AUNIP: variants seen among roughly 807,000 people sequenced by gnomAD.
AUNIP encodes the protein aurora kinase A- and ninein-interacting protein.
AUNIP carries 16 observed loss-of-function variants against 12.2 expected under a neutral mutation model. That is an observed-to-expected ratio of 1.31 (90% CI 0.88 to 1.99). AUNIP has a LOEUF of 1.99. AUNIP is among the 30% of genes most tolerant of loss of function. The pLI, the probability that AUNIP is intolerant of heterozygous loss-of-function variation, is 0.00. For missense variants in AUNIP, 411 were observed against 419.1 expected, an observed-to-expected ratio of 0.98 and a Z score of 0.17; for synonymous variants, 142 against 154.8, an observed-to-expected ratio of 0.92 and a Z score of 0.61.
chr1:25,857,871 A>G (rs2048475215), intron 1 of AUNIP, among the ~76,000 whole-genome samples: 1 of 151,970 alleles, frequency 6.6e-6, no homozygotes, highest in Admixed American at 6.6e-5. Context: ...CTCAAAAATA[A>G]CAATAATAAT....
chr1:25,857,246 GA>G (rs1269366060), intron 1 of AUNIP, among the ~76,000 whole-genome samples: 1 of 132,336 alleles, frequency 7.6e-6, no homozygotes, highest in Non-Finnish European at 1.6e-5. Flanking sequence ...TGCACATTTT[GA>G]TTTTTTTTTT....
chr1:25,835,159 C>G lies in AUNIP; in HGVS notation c.908G>C (p.Arg303Thr), dbSNP rs1290372217. The G allele has an allele frequency of 6.2e-7, 1 of 1,614,124 alleles. No homozygotes were observed. Among genetic ancestry groups the G allele is most frequent in the Admixed American group, 1.7e-5 (1 of 60,022 alleles). Residue 303 changes from arginine to threonine, a missense_variant, in exon 3 of 3, where the codon AGA (arginine) becomes ACA (threonine). Physicochemically the swap from Arg to Thr is moderately conservative, Grantham distance 71. Coordinates refer to ENST00000374298, the MANE Select transcript of AUNIP (RefSeq NM_024037.3). ...QGQRVIAHNT[R>T]APFQDVTNNW... The stretch of plus-strand genomic sequence containing the variant: ...ATTGGTTACATCTTGAAAAGGAGCT[C>G]TAGTGTTGTGGGCAATGACCCGCTG...
chr1:25,835,690 T>C lies in AUNIP; in HGVS notation c.377A>G (p.Asp126Gly). 6.2e-7 allele frequency: 1 copy of C among 1,614,222 alleles called. No individual in the cohort carries two copies. Among genetic ancestry groups the C allele is most frequent in the Non-Finnish European group, 8.5e-7 (1 of 1,180,052 alleles). ...ASPLATSTTA[D>G]IQEAGLSPQS... is the part of the protein sequence containing the mutation. ...AGGAGAGAGTCCAGCTTCCTGGATG[T>C]CTGCAGTGGTTGAAGTGGCTAAAGG... The change falls in exon 3 of 3, where the codon GAC (aspartate) becomes GGC (glycine). Residue 126 changes from aspartate (D) to glycine (G), a missense_variant. By Grantham distance (94) the Asp-to-Gly change is moderately conservative. Coordinates refer to ENST00000374298, the MANE Select transcript of AUNIP (RefSeq NM_024037.3).
rs1339760033 is a variant in AUNIP at position 25,834,632 on chromosome 1, A to C, written c.*361T>G. 22 of 1,014,500 alleles carry C rather than the reference A, an allele frequency of 2.2e-5. No homozygotes were observed. The highest frequency in any genetic ancestry group is 5.3e-5 in the Admixed American group (1 of 18,892). 62.8% of individuals were successfully genotyped at this position (1,014,500 alleles called of 1,614,324 possible). On this transcript the variant is annotated 3_prime_UTR_variant, in exon 3 of 3. Transcript: ENST00000374298. Reference sequence around the variant, plus strand: ...CTCCATCTCAAAAAAAAAAAAAAAAAAACACATCCATAAGCAAGGTCCCAG... The same window carrying C: ...CTCCATCTCAAAAAAAAAAAAAAAACAACACATCCATAAGCAAGGTCCCAG...
In AUNIP at chr1:25,835,719, T is replaced by C. The variant is rs764373565; in HGVS notation, c.348A>G (p.Ala116=). ...CAGTGGTTGAAGTGGCTAAAGGGGA[T>C]GCCATGCAATCGTGTGCTAAGCCTG... is the stretch of plus-strand genomic sequence containing the variant. ...LIPGLAHDCM[A]SPLATSTTAD... is the part of the protein sequence containing the mutation. The change falls in exon 3 of 3, where the codon GCA becomes GCG. Residue 116 remains alanine, a synonymous_variant. Transcript: ENST00000374298. The C allele has an allele frequency of 1.9e-6, 3 of 1,614,214 alleles. No homozygotes were observed. Among genetic ancestry groups the C allele is most frequent in the African/African-American group, 1.3e-5 (1 of 75,050 alleles).
Position 25,834,888 on chromosome 1 carries a change from T to C in AUNIP, c.*105A>G. 2.0e-6 allele frequency: 3 copies of C among 1,518,106 alleles called. No homozygotes were observed. Among genetic ancestry groups the C allele is most frequent in the East Asian group, 2.3e-5 (1 of 44,272 alleles). 94.0% of individuals were successfully genotyped at this position (1,518,106 alleles called of 1,614,324 possible). A position where few individuals can be genotyped will look rare whatever the true frequency, so the allele number is the denominator to read the frequency against. On this transcript the variant is annotated 3_prime_UTR_variant, in exon 3 of 3. Transcript: ENST00000374298. Reference sequence around the variant, plus strand: ...GCTCAGTAATGACAACTTCATCCCATGCCACCTTCCCACCTAAACAAACTC... The same window carrying C: ...GCTCAGTAATGACAACTTCATCCCACGCCACCTTCCCACCTAAACAAACTC...
At chr1:25,853,941 C>T (rs1835308) in intron 1 of AUNIP, among the ~76,000 whole-genome samples, 68,796 of 152,054 alleles carry the variant, frequency 0.45, 17,424 homozygotes, top group South Asian at 0.74. Flanking sequence ...TACGGCCCGG[C>T]GCAGTGGCTC....
Position 25,857,889 on chromosome 1 carries a change from C to T in AUNIP, c.78+1391G>A, listed in dbSNP as rs531947052. 5.3e-4 allele frequency among the ~76,000 whole-genome samples: 81 copies of T among 152,068 alleles called. 1 individual carries two copies. Among genetic ancestry groups the T allele is most frequent in the African/African-American group, 1.8e-3 (74 of 41,480 alleles). On this transcript the variant is annotated intron_variant, in intron 1 of 2. Coordinates refer to ENST00000374298, the MANE Select transcript of AUNIP (RefSeq NM_024037.3). ...AAAAATAACAATAATAATAATATGCCGGGCGCAGTGGCTCACGCCTGTAAT... is the reference window on the plus strand; with the variant it reads ...AAAAATAACAATAATAATAATATGCTGGGCGCAGTGGCTCACGCCTGTAAT...
chr1:25,858,434 G>C (rs1168028309), intron 1 of AUNIP, among the ~76,000 whole-genome samples: 1 of 152,148 alleles, frequency 6.6e-6, no homozygotes, highest in Non-Finnish European at 1.5e-5. Context: ...TTTTGAGCCT[G>C]TTTTCCGTAT....
intron 1 of AUNIP, among the ~76,000 whole-genome samples, chr1:25,837,988 C>A (rs1030414195): frequency 2.0e-5 from 3 of 152,076 alleles, no homozygotes; most frequent in Non-Finnish European, 4.4e-5. Flanking sequence ...CGCCTGTAAT[C>A]CCAGCACTTT....
At chr1:25,837,830 A>G (rs566008728) in intron 1 of AUNIP, among the ~76,000 whole-genome samples, 1 of 152,334 alleles carries the variant, frequency 6.6e-6, no homozygotes, top group Admixed American at 6.5e-5. Flanking sequence ...TGTTAACAGG[A>G]TGGCAGAGAT....
At chr1:25,845,687 T>C (rs1380890516) in intron 1 of AUNIP, among the ~76,000 whole-genome samples, 1 of 152,216 alleles carries the variant, frequency 6.6e-6, no homozygotes, top group Non-Finnish European at 1.5e-5. Flanking sequence ...TTAATACACA[T>C]AATAGGTACT....
chr1:25,859,250 C>T (rs2048487073), intron 1 of AUNIP, 30 bp downstream of exon 1: 4 of 1,559,666 alleles, frequency 2.6e-6, no homozygotes, highest in Non-Finnish European at 2.6e-6. Flanking sequence ...TACCTGGTTC[C>T]CAACGCCCTC....
At chr1:25,843,185 A>ATATAT (rs1364857694) in intron 1 of AUNIP, among the ~76,000 whole-genome samples, 17 of 124,962 alleles carry the variant, frequency 1.4e-4, no homozygotes, top group African/African-American at 5.1e-4. Flanking sequence ...AAAAAAAAAA[A>ATATAT]ATATATATAT....
At chr1:25,856,092 C>T (rs1240434267) in intron 1 of AUNIP, among the ~76,000 whole-genome samples, 3 of 152,134 alleles carry the variant, frequency 2.0e-5, no homozygotes, top group Admixed American at 6.6e-5. Flanking sequence ...AGACCAGGCA[C>T]GGTGGCTCAT....
At chr1:25,836,157 GGTTT>G (rs1453142140) in intron 2 of AUNIP, among the ~76,000 whole-genome samples, 5 of 152,150 alleles carry the variant, frequency 3.3e-5, no homozygotes, top group African/African-American at 1.2e-4. Context: ...TTCATTTGTA[GGTTT>G]GTTTAACATA....
chr1:25,858,065 G>A (rs1333278601), intron 1 of AUNIP, among the ~76,000 whole-genome samples: 1 of 152,184 alleles, frequency 6.6e-6, no homozygotes, highest in African/African-American at 2.4e-5. Flanking sequence ...TACTCAGGAG[G>A]CTGAGGCAGG....
At position 25,859,320 on chromosome 1, in the gene AUNIP, A is replaced by G. The variant is rs1489047687; in HGVS notation, c.38T>C (p.Val13Ala). The G allele has an allele frequency of 8.9e-6, 14 of 1,571,976 alleles. No homozygotes were observed. Among genetic ancestry groups the G allele is most frequent in the Non-Finnish European group, 1.1e-5 (13 of 1,161,262 alleles). The change falls in exon 1 of 3, where the codon GTG (valine) becomes GCG (alanine). Residue 13 changes from valine to alanine, a missense_variant. Physicochemically the swap from Val to Ala is moderately conservative, Grantham distance 64 (BLOSUM62 0). Coordinates refer to ENST00000374298, the MANE Select transcript of AUNIP (RefSeq NM_024037.3). ...RTGPEEEACG[V>A]WLDAAALKRR... ...CTTCAGCGCCGCCGCGTCCAGCCAC[A>G]CGCCGCAGGCCTCCTCCTCGGGGCC... is the stretch of plus-strand genomic sequence containing the variant.
intron 1 of AUNIP, among the ~76,000 whole-genome samples, chr1:25,857,637 C>A (rs896266181): frequency 2.6e-5 from 4 of 151,638 alleles, no homozygotes; most frequent in African/African-American, 7.2e-5. Flanking sequence ...CCGAGACGGG[C>A]GGATCACTTG....
Sources: gnomAD v4.1 joint callset for allele counts (sites outside exome capture counted in the v4.1 genomes callset) on GRCh38, gnomAD v4.1.1 for gene constraint, MANE v1.5 for transcripts, NCBI Gene and HGNC (gene_info 2026-07-23, HGNC 2026-07-21) for gene names.